The following P3H2 variants were observed in gnomAD, a reference collection of about 807,000 sequenced individuals.
P3H2 encodes the protein leprecan-like 1.
P3H2 carries 80 observed loss-of-function variants against 87.0 expected under a neutral mutation model. The observed-to-expected ratio is 0.92, with a 90% CI of 0.77 to 1.11. The LOEUF (loss-of-function observed/expected upper bound fraction) is 1.11. P3H2 is among the 50% of genes least tolerant of loss of function. P3H2 has a pLI of 0.00. For missense variants in P3H2, 1,001 were observed against 923.9 expected (o/e 1.08, Z -1.08); for synonymous variants, 367 against 359.3 (o/e 1.02, Z -0.24).
chr3:190,072,799 G>C (rs1199305281), intron 1 of P3H2, among the ~76,000 whole-genome samples: 2 of 152,158 alleles, frequency 1.3e-5, no homozygotes, highest in African/African-American at 4.8e-5. Flanking sequence ...TGTGGCATAT[G>C]TGCATTTCAA....
At chr3:190,011,336 CTCAGAA>C (rs1724582098) in intron 1 of P3H2, among the ~76,000 whole-genome samples, 1 of 149,996 alleles carries the variant, frequency 6.7e-6, no homozygotes, top group African/African-American at 2.4e-5. Context: ...TTTATACTTT[CTCAGAA>C]TAAGACTAAA....
At chr3:190,026,647 T>C (rs7642976) in intron 1 of P3H2, among the ~76,000 whole-genome samples, 5,099 of 152,342 alleles carry the variant, frequency 0.033, 255 homozygotes, top group African/African-American at 0.11. Flanking sequence ...CAGCAGCCCT[T>C]GGGCTACTCT....
chr3:190,120,857 C>T lies in P3H2; in HGVS notation c.-126G>A. The T allele has an allele frequency of 3.5e-6, 5 of 1,408,666 alleles. No homozygotes were observed. The highest frequency in any genetic ancestry group is 4.6e-6 in the Non-Finnish European group (5 of 1,077,558). 87.3% of individuals were successfully genotyped at this position (1,408,666 alleles called of 1,614,324 possible). On this transcript the variant is annotated 5_prime_UTR_variant, in exon 1 of 15. Coordinates refer to ENST00000319332, the MANE Select transcript of P3H2 (RefSeq NM_018192.4). ...ACTCCGCCGCGATCTGGCCGCTCCG[C>T]GAGCCCCAGGTGACCGCCGGCGCTC...
In P3H2 at chr3:189,983,088, C is replaced by G. The variant is rs1467085046; in HGVS notation, c.1282G>C (p.Gly428Arg). The change falls in exon 8 of 15, where the codon GGA becomes CGA. Residue 428 changes from glycine to arginine, a missense_variant. Gly to Arg is a moderately radical substitution (Grantham distance 125). Coordinates refer to ENST00000319332, the MANE Select transcript of P3H2 (RefSeq NM_018192.4). ...EGAEVHGFSMGKKLSPKIDRD... is the reference protein window; with the variant it reads ...EGAEVHGFSMRKKLSPKIDRD... ...TCTATCTTGGGTGATAGCTTTTTTCCCATTGAGAATCCATGAACTTCTGCT... is the reference window on the plus strand; with the variant it reads ...TCTATCTTGGGTGATAGCTTTTTTCGCATTGAGAATCCATGAACTTCTGCT... The G allele has an allele frequency of 1.2e-6, 2 of 1,613,862 alleles. No homozygotes were observed. The highest frequency in any genetic ancestry group is 1.7e-6 in the Non-Finnish European group (2 of 1,179,846).
chr3:189,986,758 T>C, intron 6 of P3H2, 30 bp downstream of exon 6: 1 of 1,455,120 alleles, frequency 6.9e-7, no homozygotes, highest in Non-Finnish European at 9.7e-7. Context: ...TGAATCATTA[T>C]TTTAATAAAC....
intron 7 of P3H2, among the ~76,000 whole-genome samples, chr3:189,984,302 C>T (rs900891298): frequency 2.2e-4 from 32 of 144,368 alleles, no homozygotes; most frequent in Non-Finnish European, 2.7e-4. Context: ...AGATAGAAAG[C>T]ACCTGATTTA....
At chr3:190,103,861 G>A (rs757034808) in intron 1 of P3H2, among the ~76,000 whole-genome samples, 36 of 151,548 alleles carry the variant, frequency 2.4e-4, no homozygotes, top group Non-Finnish European at 3.1e-4. Flanking sequence ...GTGCGATCTC[G>A]GCTCACTGCA....
At chr3:190,056,921 T>C (rs1255113464) in intron 1 of P3H2, among the ~76,000 whole-genome samples, 1 of 152,152 alleles carries the variant, frequency 6.6e-6, no homozygotes, top group African/African-American at 2.4e-5. Context: ...ACTGTTCAAG[T>C]AGACCCTCCC....
chr3:190,074,515 TAAATA>T (rs995974892), intron 1 of P3H2, among the ~76,000 whole-genome samples: 4 of 151,678 alleles, frequency 2.6e-5, no homozygotes, highest in Admixed American at 6.6e-5. Flanking sequence ...TGTCTCAAAA[TAAATA>T]AAATAAAGTA....
At chr3:190,023,875 T>A (rs1725007085) in intron 1 of P3H2, among the ~76,000 whole-genome samples, 1 of 152,238 alleles carries the variant, frequency 6.6e-6, no homozygotes, top group South Asian at 2.1e-4. Context: ...TTTTACATAG[T>A]ATTACAAAGG....
At chr3:189,999,024 T>C (rs1028976614) in intron 1 of P3H2, among the ~76,000 whole-genome samples, 7 of 152,142 alleles carry the variant, frequency 4.6e-5, no homozygotes, top group African/African-American at 1.7e-4. Flanking sequence ...GCAGCCCCGC[T>C]CCTAACAGGA....
chr3:190,076,916 T>C (rs997965529), intron 1 of P3H2, among the ~76,000 whole-genome samples: 1 of 152,220 alleles, frequency 6.6e-6, no homozygotes, highest in Non-Finnish European at 1.5e-5. Context: ...GCTTAGTCTT[T>C]TGGAGGAAAG....
chr3:190,042,368 G>A (rs1044342052), intron 1 of P3H2, among the ~76,000 whole-genome samples: 3 of 151,978 alleles, frequency 2.0e-5, no homozygotes, highest in Non-Finnish European at 2.9e-5. Flanking sequence ...ATTTTTACTT[G>A]TTTACTCTGT....
At chr3:190,054,456 T>C (rs1446401963) in intron 1 of P3H2, among the ~76,000 whole-genome samples, 4 of 152,096 alleles carry the variant, frequency 2.6e-5, no homozygotes, top group South Asian at 2.1e-4. Flanking sequence ...AATATCAACA[T>C]TGGGAGAGAT....
intron 8 of P3H2, among the ~76,000 whole-genome samples, chr3:189,975,930 T>A (rs1723335029): frequency 6.6e-6 from 1 of 152,212 alleles, no homozygotes; most frequent in South Asian, 2.1e-4. Flanking sequence ...TAATTTTACT[T>A]CTATATATGC....
rs116571815 is a variant in P3H2 at position 189,957,278 on chromosome 3, T to G, written c.*634A>C. 798 of 399,682 alleles carry G rather than the reference T, an allele frequency of 2.0e-3. 8 individuals are homozygous for G. The highest frequency in any genetic ancestry group is 0.015 in the African/African-American group (744 of 48,698). The allele number at this position is 399,682 out of a possible 1,614,324, so 24.8% of individuals were successfully genotyped here. ...GGAGCTCACTTTGGAGAGTCGGAGC[T>G]CATGGCCGTTAGCACCTAAGGATGT... On this transcript the variant is annotated 3_prime_UTR_variant, in exon 15 of 15. Coordinates refer to ENST00000319332, the MANE Select transcript of P3H2 (RefSeq NM_018192.4).
At chr3:190,015,230 T>C (rs1316732558) in intron 1 of P3H2, among the ~76,000 whole-genome samples, 1 of 152,122 alleles carries the variant, frequency 6.6e-6, no homozygotes, top group Non-Finnish European at 1.5e-5. Context: ...CCTACTTTCC[T>C]GAGATTACAG....
At chr3:189,979,938 C>T (rs1452133461) in intron 8 of P3H2, among the ~76,000 whole-genome samples, 4 of 151,626 alleles carry the variant, frequency 2.6e-5, no homozygotes, top group East Asian at 1.9e-4. Context: ...ACTGTACTCC[C>T]GCCTGGGTGA....
chr3:190,101,129 C>T (rs993080330), intron 1 of P3H2, among the ~76,000 whole-genome samples: 16 of 152,032 alleles, frequency 1.1e-4, no homozygotes, highest in African/African-American at 3.9e-4. Flanking sequence ...GCTTCATCAA[C>T]TCACCATTCA....
Sources: allele counts gnomAD v4.1 joint callset (sites outside exome capture counted in the v4.1 genomes callset), GRCh38; gene constraint gnomAD v4.1.1; transcripts MANE v1.5; gene names NCBI Gene and HGNC (gene_info 2026-07-23, HGNC 2026-07-21).